PLCE1: variants seen among roughly 807,000 people sequenced by gnomAD.
PLCE1 encodes the protein phospholipase C epsilon 1.
In PLCE1, 119 loss-of-function variants were observed where a neutral mutation model predicts 242.8. The observed-to-expected ratio is 0.49, with a 90% confidence interval of 0.42 to 0.57. PLCE1 has a LOEUF of 0.57. PLCE1 is among the 20% of genes least tolerant of loss of function. The pLI is 0.00. For synonymous variants in PLCE1, 945 were observed against 1,017.4 expected, an observed-to-expected ratio of 0.93 and a Z score of 1.35; for missense variants, 2,441 against 2,788.8, an observed-to-expected ratio of 0.88 and a Z score of 2.81.
In PLCE1 at chr10:94,154,338, C is replaced by A. The variant is rs184352957; in HGVS notation, c.1493-16842C>A. ...AGTTAACTCAAAATGAATCAAAGACCTGCACAGAAGACCTAGAACTATAAA... is the reference window on the plus strand; with the variant it reads ...AGTTAACTCAAAATGAATCAAAGACATGCACAGAAGACCTAGAACTATAAA... On this transcript the variant is annotated intron_variant, in intron 3 of 32. Coordinates refer to ENST00000371380, the MANE Select transcript of PLCE1 (RefSeq NM_016341.4). 6.2e-4 allele frequency among the ~76,000 whole-genome samples: 94 copies of A among 152,192 alleles called. 3 individuals are homozygous for A. In the East Asian group the frequency reaches 0.014, roughly 23 times the overall value.
intron 20 of PLCE1, 100 bp downstream of exon 20, chr10:94,280,011 T>C: frequency 4.2e-6 from 5 of 1,192,276 alleles, no homozygotes; most frequent in African/African-American, 1.5e-5. Flanking sequence ...AGACCAGTAA[T>C]ACGGATGGTT....
At chr10:94,055,121 A>G (rs1181195766) in intron 2 of PLCE1, among the ~76,000 whole-genome samples, 1 of 151,972 alleles carries the variant, frequency 6.6e-6, no homozygotes, top group African/African-American at 2.4e-5. Flanking sequence ...CTGTGATCTG[A>G]AAGAGGAAAA....
chr10:94,202,033 C>T (rs1212953229), intron 4 of PLCE1, among the ~76,000 whole-genome samples: 3 of 152,114 alleles, frequency 2.0e-5, no homozygotes, highest in Non-Finnish European at 4.4e-5. Context: ...AAGACAAAAT[C>T]CAGCTTGGTT....
At chr10:94,177,103 T>G (rs1215972899) in intron 4 of PLCE1, among the ~76,000 whole-genome samples, 3 of 152,230 alleles carry the variant, frequency 2.0e-5, no homozygotes, top group Non-Finnish European at 2.9e-5. Flanking sequence ...CTCTACACAA[T>G]GACTTAACTG....
intron 4 of PLCE1, among the ~76,000 whole-genome samples, chr10:94,186,360 C>CATT (rs2048479696): frequency 6.6e-6 from 1 of 152,206 alleles, no homozygotes; most frequent in Admixed American, 6.5e-5. Context: ...TCAAGCTCAT[C>CATT]ATTTCTCTGC....
chr10:94,160,936 T>G (rs1348127563), intron 3 of PLCE1, among the ~76,000 whole-genome samples: 1 of 152,210 alleles, frequency 6.6e-6, no homozygotes, highest in Admixed American at 6.5e-5. Flanking sequence ...GCATTATTTC[T>G]GAGGGCTCTG....
intron 2 of PLCE1, among the ~76,000 whole-genome samples, chr10:94,098,896 G>A (rs559475947): frequency 2.6e-5 from 4 of 152,326 alleles, no homozygotes; most frequent in African/African-American, 4.8e-5. Flanking sequence ...AGGGAGCTGA[G>A]TGCCAGGCTG....
intron 1 of PLCE1, among the ~76,000 whole-genome samples, chr10:94,024,056 A>C (rs1352635276): frequency 6.6e-6 from 1 of 152,198 alleles, no homozygotes; most frequent in African/African-American, 2.4e-5. Flanking sequence ...GAAAAAGTAA[A>C]GACTGACTCA....
chr10:94,281,410 G>T (rs56131311), intron 20 of PLCE1, among the ~76,000 whole-genome samples: 10,004 of 152,110 alleles, frequency 0.066, 583 homozygotes, highest in African/African-American at 0.16. Flanking sequence ...TATTATAGAT[G>T]GTTTTGATTT....
intron 2 of PLCE1, among the ~76,000 whole-genome samples, chr10:94,106,912 TTCTCTCTCTC>T (rs771182277): frequency 3.9e-3 from 153 of 38,770 alleles, no homozygotes; most frequent in African/African-American, 0.012. Context: ...TGTCTCTTGT[TTCTCTCTCTC>T]TCTCTCTCTC....
intron 18 of PLCE1, among the ~76,000 whole-genome samples, chr10:94,272,053 G>T (rs550124011): frequency 5.6e-4 from 86 of 152,290 alleles, no homozygotes; most frequent in African/African-American, 1.4e-3. Flanking sequence ...TACGTTCAGC[G>T]GTGTACGTAT....
Position 94,304,604 on chromosome 10 carries a change from A to G in PLCE1, c.5581A>G (p.Arg1861Gly). The G allele has an allele frequency of 6.2e-7, 1 of 1,614,126 alleles. No homozygotes were observed. Reference sequence around the variant, plus strand: ...GTATCAGAAGTTTTCTCCACTAGAAAGAGATCTGGACAGCATGGATCCTGC... The same window carrying G: ...GTATCAGAAGTTTTCTCCACTAGAAGGAGATCTGGACAGCATGGATCCTGC... The part of the protein sequence containing the change: ...PMYQKFSPLE[R>G]DLDSMDPAVY... The change falls in exon 25 of 33, where the codon AGA (arginine) becomes GGA (glycine). Residue 1861 changes from arginine to glycine, a missense_variant. Arg to Gly is a moderately radical substitution (Grantham distance 125, BLOSUM62 -2). Transcript: ENST00000371380.
intron 2 of PLCE1, among the ~76,000 whole-genome samples, chr10:94,064,596 G>A (rs1024845074): frequency 6.6e-6 from 1 of 152,118 alleles, no homozygotes; most frequent in Admixed American, 6.5e-5. Context: ...CTGGGTTTCA[G>A]GTCCCAGCCT....
chr10:94,120,580 T>G (rs1442568946), intron 2 of PLCE1: 1 of 152,122 alleles, frequency 6.6e-6, no homozygotes, highest in East Asian at 1.9e-4. Context: ...TCACTGCAGT[T>G]TTCCAGTAGA....
intron 2 of PLCE1, among the ~76,000 whole-genome samples, chr10:94,079,680 C>A (rs182242611): frequency 6.6e-6 from 1 of 152,104 alleles, no homozygotes; most frequent in Non-Finnish European, 1.5e-5. Flanking sequence ...AGTTCAAGAA[C>A]CCTCAGGAAA....
At chr10:94,004,166 G>A (rs539155551) in intron 1 of PLCE1, among the ~76,000 whole-genome samples, 1 of 152,122 alleles carries the variant, frequency 6.6e-6, no homozygotes, top group East Asian at 1.9e-4. Context: ...AAAATTGTAA[G>A]CAAGGATACT....
intron 1 of PLCE1, among the ~76,000 whole-genome samples, chr10:94,028,551 A>T (rs891196833): frequency 6.6e-6 from 1 of 152,042 alleles, no homozygotes; most frequent in Non-Finnish European, 1.5e-5. Context: ...AGGGGCGGGG[A>T]ATTAGGCTCC....
chr10:94,296,344 C>T (rs998073502), intron 23 of PLCE1, among the ~76,000 whole-genome samples: 1 of 140,574 alleles, frequency 7.1e-6, no homozygotes, highest in Non-Finnish European at 1.5e-5. Context: ...CCAACTTGGG[C>T]GACAGAGCAA....
chr10:94,167,761 C>T lies in PLCE1; in HGVS notation c.1493-3419C>T, dbSNP rs548659259. Among the ~76,000 whole-genome samples, 35 of 145,108 alleles carry T rather than the reference C, an allele frequency of 2.4e-4. 1 individual carries two copies. The highest frequency in any genetic ancestry group is 2.0e-3 in the Admixed American group (28 of 13,918). On this transcript the variant is annotated intron_variant, in intron 3 of 32. Coordinates refer to ENST00000371380, the MANE Select transcript of PLCE1 (RefSeq NM_016341.4). ...TGTGGTGTTTGGTTTTTTGTCCTTG[C>T]GATAGTTTGCTGAGAATGATGGTTT... is the stretch of plus-strand genomic sequence containing the variant.
Sources: gnomAD v4.1 joint callset for allele counts (sites outside exome capture counted in the v4.1 genomes callset) on GRCh38, gnomAD v4.1.1 for gene constraint, MANE v1.5 for transcripts, NCBI Gene and HGNC (gene_info 2026-07-23, HGNC 2026-07-21) for gene names.